Variants in GNE observed in about 807,000 individuals in gnomAD.
The protein encoded by GNE is glucosamine (UDP-N-acetyl)-2-epimerase/N-acetylmannosamine kinase.
GNE carries 41 observed loss-of-function variants against 61.8 expected under a neutral mutation model. That is an observed-to-expected ratio of 0.66 (90% CI 0.52 to 0.86). The LOEUF is 0.86. Among genes scored for constraint, GNE ranks in the 40% least tolerant of loss-of-function variants. The pLI is 0.00. For synonymous variants in GNE, 264 were observed against 326.4 expected, an observed-to-expected ratio of 0.81 and a Z score of 2.06; for missense variants, 608 against 909.1, an observed-to-expected ratio of 0.67 and a Z score of 4.26.
chr9:36,217,310 A>C lies in GNE; in HGVS notation c.*55T>G, dbSNP rs1296446191. 3.5e-6 allele frequency: 4 copies of C among 1,158,442 alleles called. No individual in the cohort carries two copies. The highest frequency in any genetic ancestry group is 3.9e-6 in the Non-Finnish European group (3 of 776,252). 71.8% of individuals were successfully genotyped at this position (1,158,442 alleles called of 1,614,324 possible). A position where few individuals can be genotyped will look rare whatever the true frequency, so the allele number is the denominator to read the frequency against. ...AAGAAACGGTCATCCTAAAGACAAG[A>C]ACTTGATTCCACTCAGGAGCTCTGG... On this transcript the variant is annotated 3_prime_UTR_variant, in exon 12 of 12. Transcript: ENST00000642385.
At chr9:36,242,560 C>T (rs1360435549) in intron 3 of GNE, among the ~76,000 whole-genome samples, 1 of 151,978 alleles carries the variant, frequency 6.6e-6, no homozygotes, top group African/African-American at 2.4e-5. Context: ...CCTGGGACTA[C>T]AGGTGTGCGC....
intron 1 of GNE, among the ~76,000 whole-genome samples, chr9:36,272,669 A>G (rs1200647383): frequency 6.7e-6 from 1 of 149,330 alleles, no homozygotes; most frequent in Non-Finnish European, 1.5e-5. Context: ...TGGATTGGGA[A>G]GAGGAGGAAG....
At chr9:36,252,677 T>C (rs536936209) in intron 1 of GNE, among the ~76,000 whole-genome samples, 2 of 152,288 alleles carry the variant, frequency 1.3e-5, no homozygotes, top group East Asian at 3.9e-4. Flanking sequence ...AATGCCTTTT[T>C]AAGGGGAGGT....
intron 7 of GNE, among the ~76,000 whole-genome samples, chr9:36,224,848 C>T (rs866138483): frequency 7.2e-5 from 11 of 152,272 alleles, no homozygotes; most frequent in Middle Eastern, 3.4e-3. Context: ...CCAGTCTGGG[C>T]GACAGAGTGA....
chr9:36,232,858 T>A (rs1829234299), intron 5 of GNE, among the ~76,000 whole-genome samples: 1 of 152,224 alleles, frequency 6.6e-6, no homozygotes, highest in Non-Finnish European at 1.5e-5. Context: ...TCCCAGTGCC[T>A]AGTACATGGT....
intron 3 of GNE, among the ~76,000 whole-genome samples, chr9:36,243,958 GT>G (rs35554420): frequency 0.78 from 114,436 of 146,886 alleles, 44,933 homozygotes; most frequent in African/African-American, 0.84. Flanking sequence ...ATTGTTTTTT[GT>G]TTTTTTTTGT....
At chr9:36,260,489 A>C (rs1830571297), upstream of GNE, among the ~76,000 whole-genome samples, 1 of 152,108 alleles carries the variant, frequency 6.6e-6, no homozygotes, top group Non-Finnish European at 1.5e-5. Context: ...GAGATATATG[A>C]ATCTGAAGAC....
intron 1 of GNE, among the ~76,000 whole-genome samples, chr9:36,269,199 C>T (rs993529034): frequency 2.0e-5 from 3 of 151,050 alleles, no homozygotes; most frequent in Non-Finnish European, 2.9e-5. Context: ...GTTTTTCATG[C>T]CCCTACTCTG....
chr9:36,274,256 C>T (rs115421844), intron 1 of GNE, among the ~76,000 whole-genome samples: 3 of 152,038 alleles, frequency 2.0e-5, no homozygotes, highest in African/African-American at 4.8e-5. Flanking sequence ...CCACCATGTC[C>T]GGCTAATATT....
chr9:36,234,534 A>G (rs146646850), intron 4 of GNE, among the ~76,000 whole-genome samples: 63 of 152,294 alleles, frequency 4.1e-4, no homozygotes, highest in African/African-American at 1.4e-3. Context: ...CTGCCCAGCT[A>G]CACTCACCTT....
At position 36,218,558 on chromosome 9, in the gene GNE, C is replaced by T. The variant is rs952349357; in HGVS notation, c.1817-259G>A. Among the ~76,000 whole-genome samples, 4 of 152,236 alleles carry T rather than the reference C, an allele frequency of 2.6e-5. No homozygotes were observed. The highest frequency in any genetic ancestry group is 9.6e-5 in the African/African-American group (4 of 41,460). On this transcript the variant is annotated intron_variant, in intron 10 of 11. Transcript: ENST00000642385. The surrounding 1 kb of genome is among the most constrained non-coding windows in gnomAD (Gnocchi z 4.1). ...ACGACAGCCTCCTACCCCTCTGGCT[C>T]CCTCACTTCTCACTTCCAGTAGCAG...
rs1203561637 is a variant in GNE, at chr9:36,214,446, A to G, written c.*2919T>C. 6.6e-6 allele frequency: 1 copy of G among 152,242 alleles called. No homozygotes were observed. Among genetic ancestry groups the G allele is most frequent in the African/African-American group, 2.4e-5 (1 of 41,472 alleles). 9.4% of individuals were successfully genotyped at this position (152,242 alleles called of 1,614,324 possible). A position where few individuals can be genotyped will look rare whatever the true frequency, so the allele number is the denominator to read the frequency against. On this transcript the variant is annotated 3_prime_UTR_variant, in exon 12 of 12. Coordinates refer to ENST00000642385, the MANE Select transcript of GNE (RefSeq NM_005476.7). ...CAAAACAAAATACAACAGGATTTCA[A>G]CAAGGAAATGTATTTATTTTTTCTT...
Position 36,219,931 on chromosome 9 carries a change from C to G in GNE, c.1723G>C (p.Asp575His), listed in dbSNP as rs866840797. ...AELGHLVVSL[D>H]GPDCSCGSHG... ...CTTCCACAGGAACAATCAGGCCCAT[C>G]CAGAGACACAACAAGGTGGCCCAGT... Residue 575 changes from aspartate to histidine, a missense_variant, in exon 10 of 12, where the codon GAT becomes CAT. Coordinates refer to ENST00000642385, the MANE Select transcript of GNE (RefSeq NM_005476.7). 1 of 1,614,154 alleles carries G rather than the reference C, an allele frequency of 6.2e-7. No individual in the cohort carries two copies. The highest frequency in any genetic ancestry group is 1.6e-4 in the Middle Eastern group (1 of 6,062).
rs1404959450 is a variant in GNE, at chr9:36,236,935, C to T, written c.666G>A (p.Val222=). 1 of 1,611,918 alleles carries T rather than the reference C, an allele frequency of 6.2e-7. No homozygotes were observed. Among genetic ancestry groups the T allele is most frequent in the Non-Finnish European group, 8.5e-7 (1 of 1,178,046 alleles). Residue 222 remains valine (V), a synonymous_variant, in exon 4 of 12, where the codon GTG becomes GTA. Transcript: ENST00000642385. ...TTATGGAATGCTTAATGTCAGTGGT[C>T]ACAGGGTGCTGTAGTGCAACAATGT... ...KDYIVALQHP[V]TTDIKHSIKM... is the part of the protein sequence containing the mutation.
chr9:36,265,063 TCCGGATCTGGCAGG>T (rs1830728447), intron 1 of GNE: 1 of 302,858 alleles, frequency 3.3e-6, no homozygotes, highest in South Asian at 3.6e-5. Context: ...CTTCCACCCC[TCCGGATCTGGCAGG>T]GTGTCTGCTG....
intron 1 of GNE, among the ~76,000 whole-genome samples, chr9:36,255,383 T>C (rs1830289557): frequency 6.6e-6 from 1 of 152,060 alleles, no homozygotes; most frequent in Non-Finnish European, 1.5e-5. Context: ...AATTTTTGTA[T>C]TTTTTTAGTT....
chr9:36,226,339 A>ATTTT (rs35541515), intron 7 of GNE, among the ~76,000 whole-genome samples: 87 of 141,268 alleles, frequency 6.2e-4, no homozygotes, highest in African/African-American at 2.2e-3. Context: ...TGCCCAGCTA[A>ATTTT]TTTTTTTTTT....
chr9:36,245,975 C>G (rs1049034260), intron 3 of GNE, 56 bp downstream of exon 3: 2 of 1,334,640 alleles, frequency 1.5e-6, no homozygotes, highest in South Asian at 1.2e-5. Flanking sequence ...TTGAAATAGA[C>G]GGAACATTTT....
chr9:36,260,342 T>C (rs781330574), upstream of GNE, among the ~76,000 whole-genome samples: 49 of 149,610 alleles, frequency 3.3e-4, no homozygotes, highest in Non-Finnish European at 5.3e-4. Flanking sequence ...CCATTAGGAA[T>C]TGGGTGGTTG....
Sources: gnomAD v4.1 joint callset for allele counts (sites outside exome capture counted in the v4.1 genomes callset) on GRCh38, gnomAD v4.1.1 for gene constraint, Gnocchi (gnomAD v3.1) non-coding constraint, MANE v1.5 for transcripts, NCBI Gene and HGNC (gene_info 2026-07-23, HGNC 2026-07-21) for gene names.